The following COL25A1 variants were observed in gnomAD, a reference collection of about 807,000 sequenced individuals.
COL25A1 encodes the protein collagen alpha-1(XXV) chain.
Under a neutral mutation model 128.4 loss-of-function variants are expected in COL25A1, and 103 were observed. The ratio of observed to expected loss-of-function variants is 0.80; its 90% CI spans 0.68 to 0.94. The LOEUF (loss-of-function observed/expected upper bound fraction) is 0.94, where lower values mean the gene tolerates loss of function less well. Among genes scored for constraint, COL25A1 ranks in the 40% least tolerant of loss-of-function variants. COL25A1 has a pLI of 0.00. For synonymous variants in COL25A1, 279 were observed against 277.2 expected (o/e 1.01, Z -0.06); for missense variants, 745 against 840.0 (o/e 0.89, Z 1.40).
intron 3 of COL25A1, among the ~76,000 whole-genome samples, chr4:109,133,669 G>T (rs1322605085): frequency 1.3e-5 from 2 of 152,134 alleles, no homozygotes; most frequent in Non-Finnish European, 2.9e-5. Flanking sequence ...AATTATTACT[G>T]CAACACTCTG....
intron 6 of COL25A1, among the ~76,000 whole-genome samples, chr4:108,989,298 C>A (rs2126009901): frequency 6.6e-6 from 1 of 152,330 alleles, no homozygotes; most frequent in South Asian, 2.1e-4. Flanking sequence ...GCACAAATGT[C>A]AATGGTGGTG....
At chr4:108,920,645 C>T in intron 11 of COL25A1, 41 bp from the exon 12 acceptor site, 1 of 1,542,278 alleles carries the variant, frequency 6.5e-7, no homozygotes, top group African/African-American at 1.4e-5. Flanking sequence ...CTATTGTAGC[C>T]ATTTAAGCTT....
intron 16 of COL25A1, among the ~76,000 whole-genome samples, chr4:108,891,483 A>G (rs1247292322): frequency 1.3e-5 from 2 of 152,208 alleles, no homozygotes; most frequent in African/African-American, 4.8e-5. Flanking sequence ...TCTGAAAGCC[A>G]TCAGTACCAA....
intron 31 of COL25A1, among the ~76,000 whole-genome samples, chr4:108,833,534 CT>C (rs1283972574): frequency 6.6e-6 from 1 of 152,214 alleles, no homozygotes; most frequent in Non-Finnish European, 1.5e-5. Context: ...TTCAAGTATA[CT>C]TGCTCATTTC....
At position 109,254,505 on chromosome 4, in the gene COL25A1, A is replaced by ATATATATATATATATATATG. The variant is rs1383703429; in HGVS notation, c.367+46077_367+46078insCATATATATATATATATATA. ...TATATATATATATATATATATATAT[A>ATATATATATATATATATATG]TGTATGTGTGTATATACATATACAT... is the stretch of plus-strand genomic sequence containing the variant. On this transcript the variant is annotated intron_variant, in intron 3 of 37. Transcript: ENST00000399132. Among the ~76,000 whole-genome samples, 372 of 104,850 alleles carry ATATATATATATATATATATG rather than the reference A, an allele frequency of 3.5e-3. 12 individuals are homozygous for ATATATATATATATATATATG. The highest frequency in any genetic ancestry group is 5.5e-3 in the Non-Finnish European group (286 of 51,764). 68.8% of individuals were successfully genotyped at this position (104,850 alleles called of 152,430 possible).
intron 3 of COL25A1, among the ~76,000 whole-genome samples, chr4:109,187,120 G>T (rs142374710): frequency 1.3e-5 from 2 of 152,106 alleles, no homozygotes; most frequent in East Asian, 3.9e-4. Flanking sequence ...AGAATCTACA[G>T]AAATTATTGT....
At chr4:109,137,984 A>ATG (rs10700157) in intron 3 of COL25A1, among the ~76,000 whole-genome samples, 5,138 of 142,570 alleles carry the variant, frequency 0.036, 136 homozygotes, top group African/African-American at 0.076. Context: ...TTATATATAT[A>ATG]TGTGTGTGTG....
intron 13 of COL25A1, among the ~76,000 whole-genome samples, chr4:108,916,576 C>A (rs1744901333): frequency 6.6e-6 from 1 of 152,086 alleles, no homozygotes; most frequent in African/African-American, 2.4e-5. Context: ...CTTAGGCATA[C>A]AAGTTTTGTT....
At chr4:109,228,843 T>G (rs1252425999) in intron 3 of COL25A1, among the ~76,000 whole-genome samples, 1 of 152,220 alleles carries the variant, frequency 6.6e-6, no homozygotes, top group Non-Finnish European at 1.5e-5. Flanking sequence ...GAATTCCAGA[T>G]AGTACAGTGG....
At chr4:108,861,018 C>A (rs1307205906) in intron 22 of COL25A1, 47 bp from the exon 23 acceptor site, 1 of 1,523,434 alleles carries the variant, frequency 6.6e-7, no homozygotes, top group South Asian at 1.1e-5. Context: ...GTGGGGGAAT[C>A]TAGAAATCTC....
intron 3 of COL25A1, among the ~76,000 whole-genome samples, chr4:109,087,757 T>G (rs1273696750): frequency 6.6e-6 from 1 of 152,164 alleles, no homozygotes; most frequent in Admixed American, 6.5e-5. Context: ...CTTCAAAAAT[T>G]TATTGCTTTT....
chr4:109,165,544 A>G (rs1169575950), intron 3 of COL25A1, among the ~76,000 whole-genome samples: 1 of 152,042 alleles, frequency 6.6e-6, no homozygotes, highest in Non-Finnish European at 1.5e-5. Context: ...ACTGAGACCC[A>G]GTCTCTACAA....
chr4:109,144,664 A>T (rs921175482), intron 3 of COL25A1, among the ~76,000 whole-genome samples: 2 of 152,212 alleles, frequency 1.3e-5, no homozygotes, highest in African/African-American at 4.8e-5. Context: ...CTCACATCTC[A>T]TCAGAAAAGT....
chr4:108,894,715 A>T (rs1052433984), intron 16 of COL25A1, among the ~76,000 whole-genome samples: 2 of 152,232 alleles, frequency 1.3e-5, no homozygotes. Context: ...CTTTTAAGCA[A>T]AAACAAGCAA....
At chr4:109,293,566 C>T (rs1454615088) in intron 3 of COL25A1, among the ~76,000 whole-genome samples, 1 of 152,048 alleles carries the variant, frequency 6.6e-6, no homozygotes, top group Non-Finnish European at 1.5e-5. Context: ...GTGCTGACCA[C>T]ACTTCAAATA....
chr4:108,830,989 G>A (rs1035461208), intron 32 of COL25A1, among the ~76,000 whole-genome samples: 21 of 152,194 alleles, frequency 1.4e-4, no homozygotes, highest in African/African-American at 4.8e-4. Flanking sequence ...CAGATTACAT[G>A]TTCCCTTAGA....
At chr4:108,881,048 G>A (rs1740056806) in intron 19 of COL25A1, among the ~76,000 whole-genome samples, 1 of 152,088 alleles carries the variant, frequency 6.6e-6, no homozygotes, top group African/African-American at 2.4e-5. Context: ...GTTGAACATC[G>A]TGACACTATA....
At chr4:109,240,293 C>T (rs1399347933) in intron 3 of COL25A1, among the ~76,000 whole-genome samples, 7 of 151,958 alleles carry the variant, frequency 4.6e-5, no homozygotes, top group East Asian at 1.9e-4. Context: ...CCAGCATCAC[C>T]GAAAACATGT....
chr4:108,955,232 T>G (rs892815817), intron 8 of COL25A1, among the ~76,000 whole-genome samples: 1 of 152,158 alleles, frequency 6.6e-6, no homozygotes, highest in African/African-American at 2.4e-5. Context: ...AAGAAGTTAC[T>G]ATTTTATAGC....
Sources: gnomAD v4.1 joint callset for allele counts (sites outside exome capture counted in the v4.1 genomes callset) on GRCh38, gnomAD v4.1.1 for gene constraint, MANE v1.5 for transcripts, NCBI Gene and HGNC (gene_info 2026-07-23, HGNC 2026-07-21) for gene names.